The following SETD5 variants were observed in gnomAD, a reference collection of about 807,000 sequenced individuals.
SETD5 encodes the protein histone-lysine N-methyltransferase SETD5.
SETD5 carries 44 observed loss-of-function variants against 153.3 expected under a neutral mutation model. That is an observed-to-expected ratio of 0.29 (90% CI 0.23 to 0.37). The LOEUF (loss-of-function observed/expected upper bound fraction) is 0.37. Among genes scored for constraint, SETD5 ranks in the 10% least tolerant of loss-of-function variants. SETD5 has a pLI of 1.00. For synonymous variants in SETD5, 716 were observed against 645.2 expected (o/e 1.11, Z -1.66); for missense variants, 1,544 against 1,768.0 (o/e 0.87, Z 2.27).
At chr3:9,467,554 C>G (rs946354792) in intron 18 of SETD5, among the ~76,000 whole-genome samples, 1 of 152,142 alleles carries the variant, frequency 6.6e-6, no homozygotes, top group Non-Finnish European at 1.5e-5. Context: ...AGCCAAAACC[C>G]TGCTTTGCTG....
chr3:9,475,973 G>C lies in SETD5; in HGVS notation c.4211G>C (p.Arg1404Thr), dbSNP rs749419411. 2.5e-6 allele frequency: 4 copies of C among 1,614,028 alleles called. No homozygotes were observed. The highest frequency in any genetic ancestry group is 1.1e-5 in the South Asian group (1 of 91,084). ...AGQSAVYQAS[R>T]VSAVSNSQHY... is the part of the protein sequence containing the mutation. ...CAGTCAGCTGTCTACCAGGCCTCCA[G>C]GGTATCTGCGGTTTCCAATTCACAG... The change falls in exon 23 of 23, where the codon AGG becomes ACG. Residue 1404 changes from arginine (R) to threonine (T), a missense_variant. Coordinates refer to ENST00000402198, the MANE Select transcript of SETD5 (RefSeq NM_001080517.3).
rs111684003 is a variant in SETD5 at position 9,466,665 on chromosome 3, G to A, written c.2724+1993G>A. 5.7e-3 allele frequency among the ~76,000 whole-genome samples: 866 copies of A among 152,234 alleles called. 4 individuals carry two copies. The highest frequency in any genetic ancestry group is 9.7e-3 in the Non-Finnish European group (660 of 68,006). On this transcript the variant is annotated intron_variant, in intron 18 of 22. Transcript: ENST00000402198. ...CTTTGCTGTATTCTAGTACAGAGAG[G>A]TGGGGAGCCTTTTTTGTAGCAAAGG...
intron 7 of SETD5, chr3:9,436,761 T>G: frequency 8.8e-7 from 1 of 1,136,552 alleles, no homozygotes; most frequent in South Asian, 1.4e-5. Context: ...GAACACTAGT[T>G]TGTGCCTTAG....
chr3:9,433,494 TAAG>T, intron 3 of SETD5: 1 of 1,291,242 alleles, frequency 7.7e-7, no homozygotes, highest in Non-Finnish European at 1.0e-6. Context: ...GAGATCCAAT[TAAG>T]AAGAATAGTT....
intron 7 of SETD5, 39 bp from the exon 8 acceptor site, chr3:9,440,417 C>A: frequency 1.8e-6 from 2 of 1,107,982 alleles, no homozygotes; most frequent in Non-Finnish European, 2.8e-6. Context: ...TCTATTTATG[C>A]ATGGACTTTA....
intron 3 of SETD5, chr3:9,430,395 G>A: frequency 1.0e-6 from 1 of 964,016 alleles, no homozygotes; most frequent in Non-Finnish European, 1.2e-6. Context: ...GGGTGGGGAA[G>A]GGTTGATTTT....
At chr3:9,419,883 A>G (rs776145856) in intron 1 of SETD5, among the ~76,000 whole-genome samples, 14 of 152,180 alleles carry the variant, frequency 9.2e-5, no homozygotes, top group Non-Finnish European at 1.9e-4. Flanking sequence ...AATGAAGAAG[A>G]TCTGAATTCA....
chr3:9,434,956 C>T lies in SETD5; in HGVS notation c.388+74C>T, dbSNP rs969529190. On this transcript the variant is annotated intron_variant, in intron 6 of 22. Coordinates refer to ENST00000402198, the MANE Select transcript of SETD5 (RefSeq NM_001080517.3). The surrounding 1 kb of genome is among the most constrained non-coding windows in gnomAD (Gnocchi z 5.6). Reference sequence around the variant, plus strand: ...TGATCTGAATGTTCATTTTAAGAACCCCTCTTGGCCAGGCGCAGTGGCTTA... The same window carrying T: ...TGATCTGAATGTTCATTTTAAGAACTCCTCTTGGCCAGGCGCAGTGGCTTA... 2 of 1,534,194 alleles carry T rather than the reference C, an allele frequency of 1.3e-6. No individual in the cohort carries two copies. The highest frequency in any genetic ancestry group is 1.8e-6 in the Non-Finnish European group (2 of 1,132,090).
At chr3:9,421,933 G>T (rs924081939) in intron 1 of SETD5, among the ~76,000 whole-genome samples, 1 of 152,114 alleles carries the variant, frequency 6.6e-6, no homozygotes, top group Non-Finnish European at 1.5e-5. Flanking sequence ...ATGAATCCCA[G>T]TTTAAGGGTT....
intron 3 of SETD5, chr3:9,430,613 G>T (rs1575353533): frequency 5.1e-6 from 1 of 195,000 alleles, no homozygotes; most frequent in African/African-American, 2.4e-5. Context: ...TACTAACCTG[G>T]TACTATGTAG....
intron 17 of SETD5, among the ~76,000 whole-genome samples, chr3:9,461,438 A>G (rs1328209745): frequency 6.6e-6 from 1 of 152,118 alleles, no homozygotes; most frequent in Non-Finnish European, 1.5e-5. Context: ...GGATATTAGC[A>G]TGCGTTTATT....
intron 17 of SETD5, 113 bp from the exon 18 acceptor site, chr3:9,464,312 G>A: frequency 7.0e-7 from 1 of 1,427,172 alleles, no homozygotes; most frequent in South Asian, 1.4e-5. Context: ...AACTTAATGG[G>A]ATGAGGCAGA....
chr3:9,438,836 G>A (rs916113502), intron 7 of SETD5, among the ~76,000 whole-genome samples: 6 of 152,208 alleles, frequency 3.9e-5, no homozygotes, highest in Non-Finnish European at 7.4e-5. Context: ...ACTAGATGCC[G>A]GTAACACTCA....
Position 9,443,304 on chromosome 3 carries a change from A to G in SETD5, c.1078-4A>G. 6.5e-7 allele frequency: 1 copy of G among 1,549,214 alleles called. No individual in the cohort carries two copies. Among genetic ancestry groups the G allele is most frequent in the Non-Finnish European group, 8.7e-7 (1 of 1,146,696 alleles). Reference sequence around the variant, plus strand: ...AAAATCCAACCAGAAGCCTTTTCACACAGGTGCGACACATGATTGCAGATG... The same window carrying G: ...AAAATCCAACCAGAAGCCTTTTCACGCAGGTGCGACACATGATTGCAGATG... On this transcript the variant is annotated splice_region_variant and splice_polypyrimidine_tract_variant and intron_variant, in intron 10 of 22. Coordinates refer to ENST00000402198, the MANE Select transcript of SETD5 (RefSeq NM_001080517.3).
At chr3:9,433,691 AGTTAT>A in intron 3 of SETD5, 149 bp from the exon 4 acceptor site, 1 of 883,186 alleles carries the variant, frequency 1.1e-6, no homozygotes, top group Non-Finnish European at 1.7e-6. Flanking sequence ...TTATAGGCTT[AGTTAT>A]GTTAATAAGA....
chr3:9,414,694 A>C (rs921270874), intron 1 of SETD5, among the ~76,000 whole-genome samples: 1 of 152,190 alleles, frequency 6.6e-6, no homozygotes, highest in African/African-American at 2.4e-5. Flanking sequence ...CCTCATCAAC[A>C]GATGGAAAAT....
intron 1 of SETD5, chr3:9,398,400 C>G (rs1248791744): frequency 6.6e-6 from 1 of 151,632 alleles, no homozygotes; most frequent in African/African-American, 2.4e-5. Flanking sequence ...GTTCTCGCGG[C>G]CTTGTGACAG....
intron 16 of SETD5, 137 bp downstream of exon 16, chr3:9,448,767 T>G (rs1243482690): frequency 4.8e-6 from 4 of 832,396 alleles, no homozygotes; most frequent in Non-Finnish European, 7.2e-6. Flanking sequence ...TATAATGAGT[T>G]AGTTGTTCAG....
intron 18 of SETD5, among the ~76,000 whole-genome samples, chr3:9,467,189 G>A (rs1468078248): frequency 8.9e-6 from 1 of 112,692 alleles, no homozygotes; most frequent in Non-Finnish European, 1.7e-5. Context: ...AACAGAGGGA[G>A]ACTCTCTCTC....
Sources: allele counts gnomAD v4.1 joint callset (sites outside exome capture counted in the v4.1 genomes callset), GRCh38; gene constraint gnomAD v4.1.1; non-coding constraint Gnocchi (gnomAD v3.1); transcripts MANE v1.5; gene names NCBI Gene and HGNC (gene_info 2026-07-23, HGNC 2026-07-21).